SLC26A8: variants seen among roughly 807,000 people sequenced by gnomAD.
The protein encoded by SLC26A8 is testis anion transporter 1.
A neutral mutation model predicts 105.0 loss-of-function variants in SLC26A8; 70 were observed. The observed-to-expected ratio is 0.67, with a 90% CI of 0.55 to 0.81. The LOEUF (loss-of-function observed/expected upper bound fraction) is 0.81, where lower values mean the gene tolerates loss of function less well. Among genes scored for constraint, SLC26A8 ranks in the 40% least tolerant of loss-of-function variants. The pLI, the probability that SLC26A8 is intolerant of heterozygous loss-of-function variation, is 0.00. For synonymous variants in SLC26A8, 415 were observed against 438.3 expected (o/e 0.95, Z 0.66); for missense variants, 998 against 1,181.8 (o/e 0.84, Z 2.28).
intron 1 of SLC26A8, among the ~76,000 whole-genome samples, chr6:36,024,081 G>A (rs1327379489): frequency 2.0e-5 from 3 of 152,040 alleles, no homozygotes; most frequent in Admixed American, 2.0e-4. Flanking sequence ...CAAGGAGGTG[G>A]GGGTGGGGAT....
intron 19 of SLC26A8, among the ~76,000 whole-genome samples, chr6:35,948,152 G>T (rs1771739479): frequency 1.3e-5 from 2 of 152,120 alleles, no homozygotes; most frequent in African/African-American, 4.8e-5. Context: ...TGTTTTTGTG[G>T]GGTGGGGACC....
chr6:35,991,722 G>T lies in SLC26A8; in HGVS notation c.879C>A (p.Ile293=). The change falls in exon 7 of 20, where the codon ATC becomes ATA. Residue 293 remains isoleucine, a synonymous_variant. Transcript: ENST00000490799. ...TGAAAGAAATTCTGATACATTTGTT[G>T]ATTCGCAGAGCAACAACAACAGTTA... The part of the protein sequence containing the change: ...VFLTVVVALR[I]NKCIRISFNQ... 6.2e-7 allele frequency: 1 copy of T among 1,607,706 alleles called. No homozygotes were observed. The highest frequency in any genetic ancestry group is 1.1e-5 in the South Asian group (1 of 89,620).
chr6:35,963,720 T>C (rs1772400091), intron 11 of SLC26A8, among the ~76,000 whole-genome samples: 1 of 152,210 alleles, frequency 6.6e-6, no homozygotes, highest in Admixed American at 6.5e-5. Context: ...CCTTGCCTTG[T>C]CTGGTTTGCT....
chr6:35,977,437 TGA>T, intron 8 of SLC26A8, 86 bp from the exon 9 acceptor site: 1 of 1,293,070 alleles, frequency 7.7e-7, no homozygotes, highest in African/African-American at 1.5e-5. Context: ...TGGGCTGTCC[TGA>T]TTCTTTTTTT....
chr6:36,003,271 T>A (rs927209092), intron 3 of SLC26A8, among the ~76,000 whole-genome samples: 1 of 152,228 alleles, frequency 6.6e-6, no homozygotes, highest in Non-Finnish European at 1.5e-5. Context: ...TTTTTCTTTA[T>A]AGAGACCCAA....
rs766444706 is a variant in SLC26A8, at chr6:35,992,586, T to C, written c.716A>G (p.His239Arg). 6 of 1,614,028 alleles carry C rather than the reference T, an allele frequency of 3.7e-6. No homozygotes were observed. The East Asian group carries it at 1.3e-4, about 36-fold the overall frequency. ...MSAYLAAVAL[H>R]IMLSQLTFIF... ...GAAAGTCAGCTGGGACAGCATGATATGAAGTGCCACAGCAGCCAGGTAAGC... is the reference window on the plus strand; with the variant it reads ...GAAAGTCAGCTGGGACAGCATGATACGAAGTGCCACAGCAGCCAGGTAAGC... The change falls in exon 6 of 20, where the codon CAT becomes CGT. Residue 239 changes from histidine to arginine, a missense_variant. Physicochemically the swap from His to Arg is conservative, Grantham distance 29. Coordinates refer to ENST00000490799, the MANE Select transcript of SLC26A8 (RefSeq NM_052961.4).
chr6:35,968,476 G>A (rs890433086), intron 11 of SLC26A8, among the ~76,000 whole-genome samples: 5 of 149,534 alleles, frequency 3.3e-5, no homozygotes, highest in African/African-American at 7.5e-5. Flanking sequence ...CCAGTTATAC[G>A]GTGCCCAGCC....
chr6:35,983,806 C>T (rs1417178190), intron 7 of SLC26A8, among the ~76,000 whole-genome samples: 4 of 152,138 alleles, frequency 2.6e-5, no homozygotes, highest in South Asian at 4.1e-4. Flanking sequence ...CCTCCTACCT[C>T]GGCCTCCCAA....
At chr6:36,023,165 C>CCATCCATCCATT (rs1324235927) in intron 1 of SLC26A8, among the ~76,000 whole-genome samples, 2 of 149,024 alleles carry the variant, frequency 1.3e-5, no homozygotes, top group East Asian at 4.0e-4. Flanking sequence ...GTACCCTTAT[C>CCATCCATCCATT]CATCCATCCA....
intron 3 of SLC26A8, among the ~76,000 whole-genome samples, chr6:36,008,119 CAAAA>C (rs35551131): frequency 1.4e-5 from 1 of 70,410 alleles, no homozygotes. Context: ...GACTCCGTCT[CAAAA>C]AAAAAAAAAA....
intron 11 of SLC26A8, among the ~76,000 whole-genome samples, chr6:35,967,485 A>G (rs1372400205): frequency 6.6e-6 from 1 of 152,216 alleles, no homozygotes; most frequent in African/African-American, 2.4e-5. Context: ...GCTAATAATT[A>G]ACACACCTGG....
At chr6:35,974,317 CAAAACA>C (rs969648290) in intron 10 of SLC26A8, among the ~76,000 whole-genome samples, 6 of 152,028 alleles carry the variant, frequency 3.9e-5, no homozygotes, top group African/African-American at 1.2e-4. Flanking sequence ...GACTGTGTCT[CAAAACA>C]AAAACAAAAA....
intron 9 of SLC26A8, among the ~76,000 whole-genome samples, chr6:35,976,550 C>CTGTTTTTTTTTTTT (rs1773038353): frequency 7.7e-6 from 1 of 130,154 alleles, no homozygotes; most frequent in African/African-American, 3.0e-5. Flanking sequence ...GAAGCCCTCG[C>CTGTTTTTTTTTTTT]TTTTTTTTTT....
At chr6:35,992,144 A>C (rs1295745024) in intron 6 of SLC26A8, among the ~76,000 whole-genome samples, 1 of 152,236 alleles carries the variant, frequency 6.6e-6, no homozygotes, top group Non-Finnish European at 1.5e-5. Context: ...TCTTACATTT[A>C]GGAACTACTT....
intron 7 of SLC26A8, chr6:35,990,268 C>T: frequency 8.0e-6 from 2 of 250,678 alleles, no homozygotes; most frequent in South Asian, 4.8e-5. Context: ...CAAACCTGTA[C>T]TGTTGGATAC....
chr6:36,023,209 T>TC (rs1562081393), intron 1 of SLC26A8, among the ~76,000 whole-genome samples: 20 of 70,004 alleles, frequency 2.9e-4, no homozygotes, highest in African/African-American at 9.7e-4. Context: ...ATCCATCCAT[T>TC]TATCTAATTA....
intron 19 of SLC26A8, among the ~76,000 whole-genome samples, chr6:35,944,889 G>T (rs1327317060): frequency 6.6e-6 from 1 of 151,996 alleles, no homozygotes; most frequent in African/African-American, 2.4e-5. Context: ...TTGCTCTGTT[G>T]CCCAGGCTGG....
intron 7 of SLC26A8, among the ~76,000 whole-genome samples, chr6:35,991,204 C>T (rs546109135): frequency 2.6e-4 from 39 of 151,620 alleles, no homozygotes; most frequent in African/African-American, 8.0e-4. Flanking sequence ...AGTTTGCGAC[C>T]GGCCTGGCCA....
chr6:35,969,263 T>A, intron 10 of SLC26A8: 1 of 295,238 alleles, frequency 3.4e-6, no homozygotes, highest in Middle Eastern at 1.2e-3. Flanking sequence ...AAAATCTGAT[T>A]TGCATCTCCT....
Sources: gnomAD v4.1 joint callset for allele counts (sites outside exome capture counted in the v4.1 genomes callset) on GRCh38, gnomAD v4.1.1 for gene constraint, MANE v1.5 for transcripts, NCBI Gene and HGNC (gene_info 2026-07-23, HGNC 2026-07-21) for gene names.